The following REPIN1 variants were observed in gnomAD, a reference collection of about 807,000 sequenced individuals.
REPIN1 encodes DNA-binding protein REPIN1.
REPIN1 carries 4 observed loss-of-function variants against 5.7 expected under a neutral mutation model. The observed-to-expected ratio is 0.71, with a 90% confidence interval of 0.35 to 1.62. REPIN1 has a LOEUF of 1.62. Among genes scored for constraint, REPIN1 ranks in the 40% most tolerant of loss-of-function variants. The pLI, the probability that REPIN1 is intolerant of heterozygous loss-of-function variation, is 0.05. For missense variants in REPIN1, 854 were observed against 901.0 expected (o/e 0.95, Z 0.67); for synonymous variants, 410 against 386.2 (o/e 1.06, Z -0.72).
At position 150,371,269 on chromosome 7, in the gene REPIN1, C is replaced by G; in HGVS notation, c.199C>G (p.Leu67Val). The change falls in exon 3 of 3, where the codon CTG (leucine) becomes GTG (valine). Residue 67 changes from leucine to valine, a missense_variant. By Grantham distance (32) the Leu-to-Val change is conservative. Around this residue, in one of 5 missense-constraint regions of REPIN1, gnomAD observed 409 missense variants for 418.6 expected, o/e 0.98. Transcript: ENST00000489432. ...PMLERRCRGP[L>V]AMGLAQPRLL... ...GCTGGAACGTCGTTGCAGGGGCCCC[C>G]TGGCCATGGGCCTGGCCCAGCCCCG... 6.2e-7 allele frequency: 1 copy of G among 1,600,968 alleles called. No homozygotes were observed. The highest frequency in any genetic ancestry group is 8.5e-7 in the Non-Finnish European group (1 of 1,173,850).
Position 150,371,448 on chromosome 7 carries a change from G to T in REPIN1, c.378G>T (p.Trp126Cys). 2 of 1,605,822 alleles carry T rather than the reference G, an allele frequency of 1.2e-6. No individual in the cohort carries two copies. The highest frequency in any genetic ancestry group is 1.7e-6 in the Non-Finnish European group (2 of 1,178,428). The change falls in exon 3 of 3, where the codon TGG (tryptophan) becomes TGT (cysteine). Residue 126 changes from tryptophan to cysteine, a missense_variant. Trp to Cys is a radical substitution (Grantham distance 215). Around this residue, in one of 5 missense-constraint regions of REPIN1, gnomAD observed 409 missense variants for 418.6 expected, o/e 0.98. Coordinates refer to ENST00000489432, the MANE Select transcript of REPIN1 (RefSeq NM_001099695.2). ...ACTGTCGAAGGCACTTCCCTGGCTG[G>T]GTGGCTCTGTGGCTTCACACCCGCC... ...CAHCRRHFPG[W>C]VALWLHTRRC...
rs1585068984 is a variant in REPIN1, at chr7:150,369,755, C to T, written c.44C>T (p.Pro15Leu). The change falls in exon 2 of 3, where the codon CCT (proline) becomes CTT (leucine). Residue 15 changes from proline to leucine, a missense_variant. By Grantham distance (98) the Pro-to-Leu change is moderately conservative. Transcript: ENST00000489432. ...TTATTACTGCAGTTTTCTCTAACACCTGGGGGCTACCGGAGTGTGGGCCGA... is the reference window on the plus strand; with the variant it reads ...TTATTACTGCAGTTTTCTCTAACACTTGGGGGCTACCGGAGTGTGGGCCGA... ...VSLLLQFSLT[P>L]GGYRSVGRSR... The T allele has an allele frequency of 6.2e-7, 1 of 1,613,950 alleles. No homozygotes were observed. The highest frequency in any genetic ancestry group is 8.5e-7 in the Non-Finnish European group (1 of 1,179,856).
At position 150,373,345 on chromosome 7, in the gene REPIN1, G is replaced by A. The variant is rs1242150813; in HGVS notation, c.*400G>A. On this transcript the variant is annotated 3_prime_UTR_variant, in exon 3 of 3. Coordinates refer to ENST00000489432, the MANE Select transcript of REPIN1 (RefSeq NM_001099695.2). ...CTGTAAGTTACTTAAGATCATTTTT[G>A]GAAGCAGGCGTGGTAGAGTCCTGTA... 4.3e-6 allele frequency: 1 copy of A among 232,168 alleles called. No individual in the cohort carries two copies. The highest frequency in any genetic ancestry group is 9.3e-6 in the Non-Finnish European group (1 of 108,010). 14.4% of individuals were successfully genotyped at this position (232,168 alleles called of 1,614,324 possible).
chr7:150,370,159 C>A, intron 2 of REPIN1: 1 of 356,720 alleles, frequency 2.8e-6, no homozygotes, highest in Non-Finnish European at 5.1e-6. Context: ...TCTGGGCTCC[C>A]CTGAGCTGTG....
intron 2 of REPIN1, chr7:150,370,580 A>G (rs1322442181): frequency 1.7e-6 from 1 of 601,136 alleles, no homozygotes; most frequent in East Asian, 2.8e-5. Context: ...TAGGAATGAA[A>G]AGCTATAGAC....
chr7:150,368,639 CCCTGGCGCGGCAGTGGCTTGAGTGA>C (rs1799075338), upstream of REPIN1, among the ~76,000 whole-genome samples: 2 of 151,924 alleles, frequency 1.3e-5, no homozygotes, highest in Admixed American at 1.3e-4. Flanking sequence ...AGGCCTGCCG[CCCTGGCGCGGCAGTGGCTTGAGTGA>C]CCCGGCCCGC....
chr7:150,371,591 C>T lies in REPIN1; in HGVS notation c.521C>T (p.Ala174Val). The T allele has an allele frequency of 6.2e-7, 1 of 1,604,588 alleles. No homozygotes were observed. The highest frequency in any genetic ancestry group is 8.5e-7 in the Non-Finnish European group (1 of 1,179,022). ...GCTGCCACCCCAGACCTGGGCTTTG[C>T]CTGCCACCTCTGTGGGCAGAGCTTC... ...HAAATPDLGF[A>V]CHLCGQSFRG... Residue 174 changes from alanine to valine, a missense_variant, in exon 3 of 3, where the codon GCC (alanine) becomes GTC (valine). This residue lies in a region of REPIN1 where 409 missense variants were observed against 418.6 expected (regional missense o/e 0.98). Coordinates refer to ENST00000489432, the MANE Select transcript of REPIN1 (RefSeq NM_001099695.2).
Position 150,372,888 on chromosome 7 carries a change from C to T in REPIN1, c.1818C>T (p.Gly606=), listed in dbSNP as rs1261491081. 1 of 1,613,370 alleles carries T rather than the reference C, an allele frequency of 6.2e-7. No homozygotes were observed. The highest frequency in any genetic ancestry group is 8.5e-7 in the Non-Finnish European group (1 of 1,180,016). The change falls in exon 3 of 3, where the codon GGC becomes GGT. Residue 606 remains glycine (G), a synonymous_variant. Coordinates refer to ENST00000489432, the MANE Select transcript of REPIN1 (RefSeq NM_001099695.2). ...RDGAFCCAIC[G]QTFDDEERLL... ...GCGCCTTCTGCTGTGCCATCTGTGG[C>T]CAGACCTTCGACGACGAGGAGAGAC...
upstream of REPIN1, chr7:150,368,128 C>A (rs914579729): frequency 6.6e-6 from 1 of 152,370 alleles, no homozygotes; most frequent in East Asian, 1.9e-4. Context: ...CCTTTCCAAG[C>A]GAAATGCCCC....
In REPIN1 at chr7:150,372,592, C is replaced by T; in HGVS notation, c.1522C>T (p.Arg508Cys). ...SQGSHLAAHR[R>C]DHAPDRPFVC... ...GGGCAGCCATCTGGCGGCGCATCGG[C>T]GCGACCACGCCCCCGATCGGCCCTT... Residue 508 changes from arginine to cysteine, a missense_variant, in exon 3 of 3, where the codon CGC becomes TGC. Arg to Cys is a radical substitution (Grantham distance 180). Around this residue, in one of 5 missense-constraint regions of REPIN1, gnomAD observed 327 missense variants for 307.8 expected, o/e 1.06. Coordinates refer to ENST00000489432, the MANE Select transcript of REPIN1 (RefSeq NM_001099695.2). 6.2e-7 allele frequency: 1 copy of T among 1,604,864 alleles called. No homozygotes were observed. The highest frequency in any genetic ancestry group is 2.2e-5 in the East Asian group (1 of 44,708).
chr7:150,368,760 G>C (rs2129619491), upstream of REPIN1: 1 of 281,820 alleles, frequency 3.5e-6, no homozygotes. Context: ...CTGACCCTCG[G>C]CAGCTCCTGT....
chr7:150,370,678 G>C (rs1314728917), intron 2 of REPIN1: 1 of 700,792 alleles, frequency 1.4e-6, no homozygotes, highest in East Asian at 2.7e-5. Flanking sequence ...CCCTAGTCTT[G>C]ATTCTGCTGT....
In REPIN1 at chr7:150,369,724, G is replaced by A. The variant is rs1167954528; in HGVS notation, c.13G>A (p.Val5Met). Reference protein sequence around the residue: MGIGVSLLLQFSLTP... With the variant: MGIGMSLLLQFSLTP... ...TCTGAGCTCTGCCATGGGGATAGGG[G>A]TGTCTTTATTACTGCAGTTTTCTCT... The change falls in exon 2 of 3, where the codon GTG becomes ATG. Residue 5 changes from valine to methionine, a missense_variant. Coordinates refer to ENST00000489432, the MANE Select transcript of REPIN1 (RefSeq NM_001099695.2). 3.7e-6 allele frequency: 6 copies of A among 1,613,950 alleles called. No homozygotes were observed. The highest frequency in any genetic ancestry group is 5.1e-6 in the Non-Finnish European group (6 of 1,179,854).
upstream of REPIN1, among the ~76,000 whole-genome samples, chr7:150,368,529 G>A (rs1357882195): frequency 6.6e-6 from 1 of 152,134 alleles, no homozygotes; most frequent in Non-Finnish European, 1.5e-5. Context: ...CCGGGGACGC[G>A]CGTGCTCCGC....
rs1430081278 is a variant in REPIN1, at chr7:150,371,303, C to T, written c.233C>T (p.Ser78Phe). Residue 78 changes from serine (S) to phenylalanine (F), a missense_variant, in exon 3 of 3, where the codon TCT (serine) becomes TTT (phenylalanine). Transcript: ENST00000489432. ...AMGLAQPRLL[S>F]GPSQESPQTL... The stretch of plus-strand genomic sequence containing the variant: ...GGCCTGGCCCAGCCCCGACTCCTTT[C>T]TGGGCCCTCCCAGGAGTCACCCCAG... The T allele has an allele frequency of 1.3e-6, 2 of 1,589,528 alleles. No individual in the cohort carries two copies. Among genetic ancestry groups the T allele is most frequent in the South Asian group, 1.1e-5 (1 of 87,910 alleles).
chr7:150,369,921 G>C, intron 2 of REPIN1, 53 bp downstream of exon 2: 2 of 1,528,520 alleles, frequency 1.3e-6, no homozygotes, highest in Non-Finnish European at 1.8e-6. Context: ...AGGGGTGCAC[G>C]GGCGTCCCCA....
rs765944276 is a variant in REPIN1, at chr7:150,372,357, C to G, written c.1287C>G (p.Pro429=). The G allele has an allele frequency of 6.6e-7, 1 of 1,504,896 alleles. No individual in the cohort carries two copies. Among genetic ancestry groups the G allele is most frequent in the African/African-American group, 1.4e-5 (1 of 70,910 alleles). The allele number at this position is 1,504,896 out of a possible 1,614,324, so 93.2% of individuals were successfully genotyped here. The part of the protein sequence containing the change: ...EHPQDPIEAP[P]SLYSCDDCGR... ...CGCAGGACCCGATCGAAGCCCCCCC[C>G]TCCCTCTACAGCTGCGACGACTGCG... The change falls in exon 3 of 3, where the codon CCC becomes CCG. Residue 429 remains proline (P), a synonymous_variant. Coordinates refer to ENST00000489432, the MANE Select transcript of REPIN1 (RefSeq NM_001099695.2).
Position 150,373,190 on chromosome 7 carries a change from C to T in REPIN1, c.*245C>T. On this transcript the variant is annotated 3_prime_UTR_variant, in exon 3 of 3. Coordinates refer to ENST00000489432, the MANE Select transcript of REPIN1 (RefSeq NM_001099695.2). ...AGCTGGTGTGTGCTAAGGCTCCGTC[C>T]TGACTGCCCTGTGCCCTGGAAAAGC... The T allele has an allele frequency of 1.7e-6, 1 of 600,158 alleles. No homozygotes were observed. Among genetic ancestry groups the T allele is most frequent in the Non-Finnish European group, 3.0e-6 (1 of 334,252 alleles). The allele number at this position is 600,158 out of a possible 1,614,324, so 37.2% of individuals were successfully genotyped here. A position where few individuals can be genotyped will look rare whatever the true frequency, so the allele number is the denominator to read the frequency against.
intron 2 of REPIN1, chr7:150,370,365 T>C (rs954534466): frequency 2.5e-4 from 69 of 279,078 alleles, no homozygotes; most frequent in African/African-American, 1.4e-3. Flanking sequence ...CCTTCCTTCC[T>C]GCAATGTCCT....
Sources: gnomAD v4.1 joint callset for allele counts (sites outside exome capture counted in the v4.1 genomes callset) on GRCh38, gnomAD v4.1.1 for gene constraint, gnomAD v4.1.1 regional missense constraint, MANE v1.5 for transcripts, NCBI Gene and HGNC (gene_info 2026-07-23, HGNC 2026-07-21) for gene names.